NPHS2: variants seen among roughly 807,000 people sequenced by gnomAD.
The protein encoded by NPHS2 is NPHS2 stomatin family member, podocin.
In NPHS2, 36 loss-of-function variants were observed where a neutral mutation model predicts 37.1. That is an observed-to-expected ratio of 0.97 (90% CI 0.74 to 1.28). The LOEUF (loss-of-function observed/expected upper bound fraction) is 1.28. Ranked by LOEUF, NPHS2 falls within the 50% of genes most tolerant of loss-of-function variation. NPHS2 has a pLI of 0.00. For missense variants in NPHS2, 447 were observed against 488.1 expected, an observed-to-expected ratio of 0.92 and a Z score of 0.79; for synonymous variants, 196 against 189.3, an observed-to-expected ratio of 1.04 and a Z score of -0.29.
intron 1 of NPHS2, among the ~76,000 whole-genome samples, chr1:179,567,605 C>T (rs1453040933): frequency 2.6e-5 from 4 of 152,006 alleles, no homozygotes; most frequent in African/African-American, 7.2e-5. Flanking sequence ...AACACTATGT[C>T]GAATAGGGTG....
Position 179,575,702 on chromosome 1 carries a change from C to T in NPHS2, c.163G>A (p.Gly55Arg), listed in dbSNP as rs1409794630. 2.5e-6 allele frequency: 4 copies of T among 1,572,530 alleles called. No homozygotes were observed. In the East Asian group the frequency reaches 9.2e-5, roughly 36 times the overall value. ...PSGSGRAGTP[G>R]EPRAPAATVV... The stretch of plus-strand genomic sequence containing the variant: ...GTGGCGGCGGGCGCTCGGGGCTCCC[C>T]CGGGGTCCCCGCCCGTCCGGAGCCC... Residue 55 changes from glycine (G) to arginine (R), a missense_variant, in exon 1 of 8, where the codon GGG becomes AGG. Gly to Arg is a moderately radical substitution (Grantham distance 125). Transcript: ENST00000367615.
intron 1 of NPHS2, among the ~76,000 whole-genome samples, chr1:179,566,400 C>CT (rs1674336701): frequency 6.6e-6 from 1 of 152,200 alleles, no homozygotes; most frequent in Non-Finnish European, 1.5e-5. Context: ...CCTTCACCCA[C>CT]TTTTTGATGG....
intron 7 of NPHS2, chr1:179,551,827 A>G (rs1673329622): frequency 1.1e-5 from 3 of 272,656 alleles, no homozygotes. Context: ...ATGGGTAAAC[A>G]TTTCTGAAGT....
At position 179,575,598 on chromosome 1, in the gene NPHS2, G is replaced by C. The variant is rs770240510; in HGVS notation, c.267C>G (p.Pro89=). 5.0e-6 allele frequency: 8 copies of C among 1,601,528 alleles called. No homozygotes were observed. The highest frequency in any genetic ancestry group is 1.7e-5 in the Admixed American group (1 of 60,006). Residue 89 remains proline, a synonymous_variant, in exon 1 of 8, where the codon CCC becomes CCG. Transcript: ENST00000367615. ...GTGGTGCTGAATCCGTACCTTCCTC[G>C]GGCCGCTCGCTCTCCAACAGCGCCA... ...EVVALLESER[P]EEGTKSSGLG...
In NPHS2 at chr1:179,556,975, T is replaced by G; in HGVS notation, c.738+52A>C. 1 of 1,465,658 alleles carries G rather than the reference T, an allele frequency of 6.8e-7. No individual in the cohort carries two copies. Among genetic ancestry groups the G allele is most frequent in the South Asian group, 1.2e-5 (1 of 83,796 alleles). 90.8% of individuals were successfully genotyped at this position (1,465,658 alleles called of 1,614,324 possible). ...ATTTAATAAATGTCCAATGAACAAA[T>G]GAATAAAAGATAAATATTTCAGCAT... On this transcript the variant is annotated intron_variant, in intron 5 of 7. Transcript: ENST00000367615. This position sits in a 1 kb window ranked among gnomAD's most constrained non-coding sequence, Gnocchi z 4.1.
intron 5 of NPHS2, among the ~76,000 whole-genome samples, chr1:179,555,486 C>T (rs956577948): frequency 6.6e-6 from 1 of 152,216 alleles, no homozygotes; most frequent in Non-Finnish European, 1.5e-5. Context: ...GACCCAAACT[C>T]TTCTTTTTAC....
intron 1 of NPHS2, among the ~76,000 whole-genome samples, chr1:179,568,543 T>C (rs1674423789): frequency 6.6e-6 from 1 of 152,210 alleles, no homozygotes. Flanking sequence ...TTTCTGTCTC[T>C]ATCTCTTTCA....
chr1:179,554,456 C>T lies in NPHS2; in HGVS notation c.794+20G>A, dbSNP rs776315049. 9.3e-6 allele frequency: 15 copies of T among 1,613,786 alleles called. No individual in the cohort carries two copies. The South Asian group carries it at 1.5e-4, about 17-fold the overall frequency. On this transcript the variant is annotated intron_variant, in intron 6 of 7. Transcript: ENST00000367615. Reference sequence around the variant, plus strand: ...ATTTTCCTTTATCATACAGTTCTTGCTAGTTAATTTCCTACCCACATTTCT... The same window carrying T: ...ATTTTCCTTTATCATACAGTTCTTGTTAGTTAATTTCCTACCCACATTTCT...
At position 179,575,803 on chromosome 1, in the gene NPHS2, T is replaced by C; in HGVS notation, c.62A>G (p.His21Arg). Residue 21 changes from histidine (H) to arginine (R), a missense_variant, in exon 1 of 8, where the codon CAC becomes CGC. His to Arg is a conservative substitution (Grantham distance 29). Coordinates refer to ENST00000367615, the MANE Select transcript of NPHS2 (RefSeq NM_014625.4). ...ESRGRGGRTP[H>R]KENKRAKAER... ...GGCCTTTGCCCTCTTGTTCTCCTTGTGCGGAGTCCTGCCGCCTCGCCCGCG... is the reference window on the plus strand; with the variant it reads ...GGCCTTTGCCCTCTTGTTCTCCTTGCGCGGAGTCCTGCCGCCTCGCCCGCG... The C allele has an allele frequency of 6.8e-7, 1 of 1,474,950 alleles. No homozygotes were observed. The highest frequency in any genetic ancestry group is 8.9e-7 in the Non-Finnish European group (1 of 1,121,498). 91.4% of individuals were successfully genotyped at this position (1,474,950 alleles called of 1,614,324 possible). A position where few individuals can be genotyped will look rare whatever the true frequency, so the allele number is the denominator to read the frequency against.
In NPHS2 at chr1:179,551,327, T is replaced by A; in HGVS notation, c.998A>T (p.Glu333Val). 2.5e-6 allele frequency: 4 copies of A among 1,614,176 alleles called. No homozygotes were observed. The Admixed American group carries it at 6.7e-5, about 27-fold the overall frequency. Residue 333 changes from glutamate to valine, a missense_variant, in exon 8 of 8, where the codon GAG becomes GTG. By Grantham distance (121) the Glu-to-Val change is moderately radical. Transcript: ENST00000367615. Reference protein sequence around the residue: ...YLHTLQSLSTEKPSTVVLPLP... With the variant: ...YLHTLQSLSTVKPSTVVLPLP... ...AGGTAAAACCACAGTGGAAGGCTTCTCTGTGGACAGAGACTGAAGGGTGTG... is the reference window on the plus strand; with the variant it reads ...AGGTAAAACCACAGTGGAAGGCTTCACTGTGGACAGAGACTGAAGGGTGTG...
intron 3 of NPHS2, 30 bp downstream of exon 3, chr1:179,561,259 G>A (rs1674123781): frequency 9.2e-6 from 14 of 1,525,238 alleles, no homozygotes; most frequent in Non-Finnish European, 1.2e-5. Context: ...CAGGAGAGAG[G>A]TGTTTAGAAA....
At chr1:179,554,302 A>G (rs1673753631) in intron 6 of NPHS2, among the ~76,000 whole-genome samples, 174 bp downstream of exon 6, 2 of 152,192 alleles carry the variant, frequency 1.3e-5, no homozygotes, top group Admixed American at 6.5e-5. Flanking sequence ...TCCAAATGTT[A>G]TAGTGATTGT....
chr1:179,572,072 A>G (rs997313338), intron 1 of NPHS2, among the ~76,000 whole-genome samples: 8 of 152,188 alleles, frequency 5.3e-5, no homozygotes, highest in African/African-American at 1.9e-4. Flanking sequence ...CATGGGCTGC[A>G]CTCACTTTCC....
chr1:179,572,126 C>G (rs1674588610), intron 1 of NPHS2, among the ~76,000 whole-genome samples: 1 of 152,218 alleles, frequency 6.6e-6, no homozygotes, highest in Non-Finnish European at 1.5e-5. Flanking sequence ...GTTGGAAATG[C>G]AGAAATCACC....
chr1:179,551,383 G>C lies in NPHS2; in HGVS notation c.942C>G (p.Gly314=). Residue 314 remains glycine (G), a synonymous_variant, in exon 8 of 8, where the codon GGC becomes GGG. Coordinates refer to ENST00000367615, the MANE Select transcript of NPHS2 (RefSeq NM_014625.4). ...SLRMAAEILS[G]TPAAVQLRYL... is the part of the protein sequence containing the mutation. The stretch of plus-strand genomic sequence containing the variant: ...ATCGAAGCTGAACGGCAGCAGGGGT[G>C]CCTGACAGAATCTCAGCTGCCATCC... 3 of 1,614,094 alleles carry C rather than the reference G, an allele frequency of 1.9e-6. No individual in the cohort carries two copies. The highest frequency in any genetic ancestry group is 2.5e-6 in the Non-Finnish European group (3 of 1,179,984).
chr1:179,570,959 T>G (rs1402911385), intron 1 of NPHS2, among the ~76,000 whole-genome samples: 2 of 152,212 alleles, frequency 1.3e-5, no homozygotes, highest in Non-Finnish European at 2.9e-5. Flanking sequence ...AGTTAGCCAT[T>G]CGTCTAATCT....
intron 1 of NPHS2, among the ~76,000 whole-genome samples, chr1:179,566,460 A>T (rs140937893): frequency 0.018 from 2,701 of 152,248 alleles, 69 homozygotes; most frequent in African/African-American, 0.061. Context: ...GATTCTGGAT[A>T]TTAGCCCTTT....
chr1:179,571,536 T>G (rs1343953760), intron 1 of NPHS2, among the ~76,000 whole-genome samples: 1 of 152,164 alleles, frequency 6.6e-6, no homozygotes, highest in East Asian at 1.9e-4. Context: ...GGGACCCACT[T>G]GAGGGGGCAG....
chr1:179,553,807 A>G (rs6425575), intron 6 of NPHS2, among the ~76,000 whole-genome samples: 139,028 of 152,138 alleles, frequency 0.91, 63,629 homozygotes, highest in East Asian at 0.98. Context: ...AGTGCAATGC[A>G]CAATCTCGAC....
Sources: allele counts gnomAD v4.1 joint callset (sites outside exome capture counted in the v4.1 genomes callset), GRCh38; gene constraint gnomAD v4.1.1; non-coding constraint Gnocchi (gnomAD v3.1); transcripts MANE v1.5; gene names NCBI Gene and HGNC (gene_info 2026-07-23, HGNC 2026-07-21).